KCNMA1: variants seen among roughly 807,000 people sequenced by gnomAD.
The protein encoded by KCNMA1 is potassium calcium-activated channel subfamily M alpha 1.
Under a neutral mutation model 140.0 loss-of-function variants are expected in KCNMA1, and 29 were observed. The observed-to-expected ratio is 0.21, with a 90% CI of 0.15 to 0.28. The LOEUF (loss-of-function observed/expected upper bound fraction) is 0.28, where lower values mean the gene tolerates loss of function less well. Among genes scored for constraint, KCNMA1 ranks in the 10% least tolerant of loss-of-function variants. KCNMA1 has a pLI of 1.00. For synonymous variants in KCNMA1, 612 were observed against 611.9 expected (o/e 1.00, Z 0.00); for missense variants, 880 against 1,602.2 (o/e 0.55, Z 7.70).
intron 14 of KCNMA1, among the ~76,000 whole-genome samples, chr10:77,057,968 T>A (rs2095602276): frequency 6.6e-6 from 1 of 151,670 alleles, no homozygotes; most frequent in African/African-American, 2.4e-5. Flanking sequence ...AAAGAGAGAT[T>A]CAAAGAATCG....
Position 77,173,837 on chromosome 10 carries a change from G to A in KCNMA1, c.808+9584C>T, listed in dbSNP as rs140667038. Among the ~76,000 whole-genome samples, 137 of 152,126 alleles carry A rather than the reference G, an allele frequency of 9.0e-4. 2 individuals are homozygous for A. The East Asian group carries it at 0.014, about 16-fold the overall frequency. On this transcript the variant is annotated intron_variant, in intron 5 of 27. Coordinates refer to ENST00000286628, the MANE Select transcript of KCNMA1 (RefSeq NM_001161352.2). ...TCAGGGGCCCTTCCTTCCAGGCTTC[G>A]GGCACTGTCACTGAGAAGCAACTCC... is the stretch of plus-strand genomic sequence containing the variant.
chr10:77,211,097 G>C (rs2045905022), intron 3 of KCNMA1, among the ~76,000 whole-genome samples: 1 of 152,036 alleles, frequency 6.6e-6, no homozygotes, highest in South Asian at 2.1e-4. Context: ...AAAAGAGCCT[G>C]AGTGGCCAAA....
At chr10:77,222,348 T>C (rs1276383591) in intron 3 of KCNMA1, among the ~76,000 whole-genome samples, 2 of 152,190 alleles carry the variant, frequency 1.3e-5, no homozygotes, top group African/African-American at 4.8e-5. Flanking sequence ...TGATTTAAAA[T>C]AAGCCTCTAA....
intron 23 of KCNMA1, among the ~76,000 whole-genome samples, chr10:76,924,648 T>A (rs955289350): frequency 1.1e-4 from 17 of 152,150 alleles, no homozygotes; most frequent in Admixed American, 5.2e-4. Context: ...CCACTTGATT[T>A]GGCAGTTAAG....
chr10:77,181,992 C>T (rs1357382400), intron 5 of KCNMA1, among the ~76,000 whole-genome samples: 5 of 152,000 alleles, frequency 3.3e-5, no homozygotes, highest in African/African-American at 9.7e-5. Context: ...TAAGAAGATG[C>T]TTATTTTTTA....
intron 19 of KCNMA1, chr10:76,974,695 A>C: frequency 1.5e-6 from 1 of 679,040 alleles, no homozygotes; most frequent in Non-Finnish European, 2.5e-6. Context: ...TCTCCCTCAC[A>C]GCTGAATTGC....
intron 1 of KCNMA1, among the ~76,000 whole-genome samples, chr10:77,530,661 A>C (rs558330786): frequency 3.9e-5 from 6 of 152,322 alleles, no homozygotes; most frequent in Admixed American, 2.6e-4. Context: ...ACAGACACAA[A>C]GAGAAAGATG....
intron 1 of KCNMA1, among the ~76,000 whole-genome samples, chr10:77,518,998 T>C (rs2051730243): frequency 1.3e-5 from 2 of 152,230 alleles, no homozygotes; most frequent in South Asian, 4.1e-4. Flanking sequence ...TCCCCAGCCC[T>C]GCACCTCTCA....
intron 2 of KCNMA1, among the ~76,000 whole-genome samples, chr10:77,267,091 G>A (rs1181911690): frequency 6.6e-6 from 1 of 152,168 alleles, no homozygotes; most frequent in East Asian, 1.9e-4. Context: ...TCCATGGAAG[G>A]AGGATGAGAA....
intron 18 of KCNMA1, among the ~76,000 whole-genome samples, chr10:77,009,745 C>T (rs148636291): frequency 6.6e-6 from 1 of 152,164 alleles, no homozygotes; most frequent in Admixed American, 6.5e-5. Context: ...TGCCTCCTGA[C>T]CTTGACCTTT....
chr10:77,118,822 C>T (rs938098023), intron 6 of KCNMA1, among the ~76,000 whole-genome samples: 1 of 152,212 alleles, frequency 6.6e-6, no homozygotes, highest in Non-Finnish European at 1.5e-5. Flanking sequence ...AGTTCTCTGA[C>T]AGCAGGACTC....
At chr10:77,358,883 T>TA (rs1438846637) in intron 2 of KCNMA1, among the ~76,000 whole-genome samples, 3 of 152,206 alleles carry the variant, frequency 2.0e-5, no homozygotes, top group Non-Finnish European at 2.9e-5. Flanking sequence ...TGCCACCTCA[T>TA]CCCTGTCGTC....
chr10:76,886,111 C>T lies in KCNMA1; in HGVS notation c.*1155G>A. 2.0e-6 allele frequency: 2 copies of T among 985,410 alleles called. No homozygotes were observed. The highest frequency in any genetic ancestry group is 2.4e-6 in the Non-Finnish European group (2 of 829,938). The allele number at this position is 985,410 out of a possible 1,614,324, so 61.0% of individuals were successfully genotyped here. ...TGTTGAGTCAACTGTGGCTGATCCT[C>T]CTACATTCTAATTTATTTAGCATGT... On this transcript the variant is annotated 3_prime_UTR_variant, in exon 28 of 28. Transcript: ENST00000286628.
intron 23 of KCNMA1, among the ~76,000 whole-genome samples, chr10:76,927,234 G>A (rs1445355212): frequency 6.6e-6 from 1 of 152,034 alleles, no homozygotes; most frequent in African/African-American, 2.4e-5. Context: ...TTGCCCAGAG[G>A]ATAAAACTTC....
At chr10:77,508,333 C>G (rs2046892958) in intron 1 of KCNMA1, among the ~76,000 whole-genome samples, 1 of 137,512 alleles carries the variant, frequency 7.3e-6, no homozygotes. Flanking sequence ...CATCACCATG[C>G]CTGGCTATTT....
intron 3 of KCNMA1, among the ~76,000 whole-genome samples, chr10:77,187,118 C>T (rs1158922138): frequency 6.6e-6 from 1 of 152,048 alleles, no homozygotes; most frequent in Non-Finnish European, 1.5e-5. Context: ...ATCCCGTGGC[C>T]TCTGTGGTTA....
intron 24 of KCNMA1, chr10:76,914,617 A>G: frequency 2.8e-6 from 1 of 359,938 alleles, no homozygotes; most frequent in Admixed American, 4.1e-5. Context: ...ACCAGAAAGA[A>G]TCCGTGAACT....
At chr10:77,466,623 A>G (rs1298398929) in intron 1 of KCNMA1, among the ~76,000 whole-genome samples, 1 of 152,238 alleles carries the variant, frequency 6.6e-6, no homozygotes, top group East Asian at 1.9e-4. Context: ...TGCATTATAT[A>G]ATCAACCATT....
chr10:77,450,181 G>A (rs1032189276), intron 1 of KCNMA1, among the ~76,000 whole-genome samples: 1 of 151,944 alleles, frequency 6.6e-6, no homozygotes, highest in Non-Finnish European at 1.5e-5. Context: ...TCAGTCTCCC[G>A]AGTAGCTGGG....
Sources: allele counts gnomAD v4.1 joint callset (sites outside exome capture counted in the v4.1 genomes callset), GRCh38; gene constraint gnomAD v4.1.1; transcripts MANE v1.5; gene names NCBI Gene and HGNC (gene_info 2026-07-23, HGNC 2026-07-21).